WWOX: variants seen among roughly 807,000 people sequenced by gnomAD.
WWOX encodes the protein WW domain-containing oxidoreductase.
A neutral mutation model predicts 46.2 loss-of-function variants in WWOX; 69 were observed. That is an observed-to-expected ratio of 1.49 (90% CI 1.23 to 1.82). The LOEUF is 1.82. Among genes scored for constraint, WWOX ranks in the 40% most tolerant of loss-of-function variants. WWOX has a pLI of 0.00. For synonymous variants in WWOX, 359 were observed against 202.6 expected, an observed-to-expected ratio of 1.77 and a Z score of -6.56; for missense variants, 919 against 542.6, an observed-to-expected ratio of 1.69 and a Z score of -6.89.
At chr16:78,116,251 TTCTA>T (rs1371967855) in intron 4 of WWOX, among the ~76,000 whole-genome samples, 1 of 152,182 alleles carries the variant, frequency 6.6e-6, no homozygotes, top group East Asian at 1.9e-4. Flanking sequence ...TATTCTTTCT[TTCTA>T]TCTTTTTTGT....
At chr16:79,202,891 A>C (rs1430328517) in intron 8 of WWOX, 1 of 152,242 alleles carries the variant, frequency 6.6e-6, no homozygotes, top group East Asian at 1.9e-4. Context: ...TAGTCAGCAC[A>C]TGCATATTTA....
chr16:78,315,404 T>G (rs1367804378), intron 5 of WWOX, among the ~76,000 whole-genome samples: 1 of 152,172 alleles, frequency 6.6e-6, no homozygotes, highest in African/African-American at 2.4e-5. Flanking sequence ...ATCCCAGCAC[T>G]TGGGGAGGCC....
In WWOX at chr16:78,805,276, G is replaced by A. The variant is rs189192179; in HGVS notation, c.1056+372524G>A. ...ATATATATGTATATTTTTTAGAGAC[G>A]GAGTCTCACCCTGTCGCCCAGGCTC... On this transcript the variant is annotated intron_variant, in intron 8 of 8. Coordinates refer to ENST00000566780, the MANE Select transcript of WWOX (RefSeq NM_016373.4). Among the ~76,000 whole-genome samples the A allele has an allele frequency of 3.2e-4, 49 of 152,176 alleles. No homozygotes were observed. The East Asian group carries it at 5.4e-3, about 17-fold the overall frequency.
chr16:78,852,657 AT>A (rs1597722356), intron 8 of WWOX, among the ~76,000 whole-genome samples: 1 of 152,304 alleles, frequency 6.6e-6, no homozygotes, highest in East Asian at 1.9e-4. Flanking sequence ...ATATTTATTA[AT>A]TTTTAAGATG....
chr16:78,712,081 A>G (rs542887472), intron 8 of WWOX, among the ~76,000 whole-genome samples: 1 of 152,288 alleles, frequency 6.6e-6, no homozygotes, highest in East Asian at 1.9e-4. Context: ...TAGATGTCTT[A>G]TATCCATTCC....
At chr16:78,414,833 C>T (rs112777896) in intron 6 of WWOX, among the ~76,000 whole-genome samples, 9 of 152,198 alleles carry the variant, frequency 5.9e-5, no homozygotes, top group African/African-American at 1.4e-4. Context: ...TAGCTTGGCC[C>T]ATGCCCAGGA....
At chr16:78,658,350 G>T (rs182572486) in intron 8 of WWOX, among the ~76,000 whole-genome samples, 12 of 152,182 alleles carry the variant, frequency 7.9e-5, no homozygotes, top group African/African-American at 2.9e-4. Flanking sequence ...TATGTGCCAT[G>T]CCCTGCTCTA....
In WWOX at chr16:78,611,424, A is replaced by G. The variant is rs74029593; in HGVS notation, c.1056+178672A>G. ...TGAATAAATTGTCTATCCTAAGGGA[A>G]TTCTTTGGTGCATTTTATTGTGTGA... On this transcript the variant is annotated intron_variant, in intron 8 of 8. Transcript: ENST00000566780. Among the ~76,000 whole-genome samples, 672 of 152,308 alleles carry G rather than the reference A, an allele frequency of 4.4e-3. 10 individuals are homozygous for G. The highest frequency in any genetic ancestry group is 0.015 in the African/African-American group (625 of 41,566).
intron 8 of WWOX, among the ~76,000 whole-genome samples, chr16:79,019,276 A>G (rs2047483218): frequency 6.7e-6 from 1 of 150,246 alleles, no homozygotes; most frequent in Non-Finnish European, 1.5e-5. Context: ...AGGTGGTTTC[A>G]TCATTGTGGA....
chr16:78,955,206 T>C (rs375693711), intron 8 of WWOX, among the ~76,000 whole-genome samples: 34 of 152,304 alleles, frequency 2.2e-4, no homozygotes, highest in African/African-American at 7.5e-4. Flanking sequence ...CAGGGCCATA[T>C]GCTAGAGCTG....
intron 8 of WWOX, among the ~76,000 whole-genome samples, chr16:79,037,869 C>T (rs934977973): frequency 2.6e-5 from 4 of 152,136 alleles, no homozygotes; most frequent in East Asian, 1.9e-4. Flanking sequence ...TCTGGGTGGC[C>T]GACTGTGCCA....
At chr16:79,166,824 G>T (rs775886185) in intron 8 of WWOX, among the ~76,000 whole-genome samples, 2 of 152,140 alleles carry the variant, frequency 1.3e-5, no homozygotes, top group African/African-American at 2.4e-5. Flanking sequence ...ATAAAGACCA[G>T]TTGAACAAAT....
intron 5 of WWOX, among the ~76,000 whole-genome samples, chr16:78,321,852 G>A (rs1331351383): frequency 1.3e-5 from 2 of 152,026 alleles, no homozygotes; most frequent in African/African-American, 4.8e-5. Context: ...AGAGGGGGAT[G>A]GAGAGGCATA....
At chr16:78,295,077 G>A (rs576391725) in intron 5 of WWOX, among the ~76,000 whole-genome samples, 1 of 152,298 alleles carries the variant, frequency 6.6e-6, no homozygotes, top group East Asian at 1.9e-4. Context: ...TGGGGCCGCT[G>A]TAGGAGGATG....
At chr16:78,271,780 G>A (rs1050639847) in intron 5 of WWOX, among the ~76,000 whole-genome samples, 1 of 152,220 alleles carries the variant, frequency 6.6e-6, no homozygotes, top group Non-Finnish European at 1.5e-5. Context: ...AGCAGTTGTA[G>A]CATCGTCCAG....
intron 5 of WWOX, among the ~76,000 whole-genome samples, chr16:78,376,128 G>C (rs2081819216): frequency 1.3e-5 from 2 of 152,156 alleles, no homozygotes; most frequent in Non-Finnish European, 2.9e-5. Flanking sequence ...GGGATTACAG[G>C]CATGAGCCAC....
intron 8 of WWOX, among the ~76,000 whole-genome samples, chr16:78,522,143 TAAA>T (rs76799048): frequency 1.5e-5 from 2 of 136,696 alleles, no homozygotes; most frequent in African/African-American, 2.7e-5. Flanking sequence ...TGGAAGGCTT[TAAA>T]AAAAAAAAAA....
chr16:79,006,207 G>T (rs113496184), intron 8 of WWOX, among the ~76,000 whole-genome samples: 3,435 of 152,320 alleles, frequency 0.023, 53 homozygotes, highest in Middle Eastern at 0.048. Flanking sequence ...CGGCAGGAAA[G>T]ACTTCCCAGT....
chr16:78,808,230 G>T (rs7197008), intron 8 of WWOX, among the ~76,000 whole-genome samples: 3 of 152,116 alleles, frequency 2.0e-5, no homozygotes, highest in African/African-American at 7.2e-5. Flanking sequence ...TACCCATAGG[G>T]ACCCTGAACC....
Sources: gnomAD v4.1 joint callset for allele counts (sites outside exome capture counted in the v4.1 genomes callset) on GRCh38, gnomAD v4.1.1 for gene constraint, MANE v1.5 for transcripts, NCBI Gene and HGNC (gene_info 2026-07-23, HGNC 2026-07-21) for gene names.